EXT2: variants seen among roughly 807,000 people sequenced by gnomAD.
EXT2 encodes exostosin-2.
EXT2 carries 53 observed loss-of-function variants against 81.6 expected under a neutral mutation model. The ratio of observed to expected loss-of-function variants is 0.65; its 90% CI spans 0.52 to 0.82. The LOEUF (loss-of-function observed/expected upper bound fraction) is 0.82, where lower values mean the gene tolerates loss of function less well. Among genes scored for constraint, EXT2 ranks in the 40% least tolerant of loss-of-function variants. The probability of loss-of-function intolerance (pLI) is 0.00; values close to 1 mark genes in which losing one functional copy is unlikely to be tolerated. For synonymous variants in EXT2, 320 were observed against 340.0 expected (o/e 0.94, Z 0.65); for missense variants, 774 against 910.2 (o/e 0.85, Z 1.93).
intron 1 of EXT2, 52 bp downstream of exon 1, chr11:44,095,904 C>A (rs1040262929): frequency 1.2e-5 from 3 of 259,384 alleles, no homozygotes; most frequent in Non-Finnish European, 2.2e-5. Flanking sequence ...AGCGAGGGCT[C>A]GGGCCTCCGG....
Position 44,175,449 on chromosome 11 carries a change from A to G in EXT2, c.1305+3707A>G, listed in dbSNP as rs77430291. Among the ~76,000 whole-genome samples, 576 of 150,982 alleles carry G rather than the reference A, an allele frequency of 3.8e-3. 5 individuals are homozygous for G. The highest frequency in any genetic ancestry group is 0.013 in the African/African-American group (553 of 41,014). On this transcript the variant is annotated intron_variant, in intron 8 of 13. Coordinates refer to ENST00000533608, the MANE Select transcript of EXT2 (RefSeq NM_207122.2). The stretch of plus-strand genomic sequence containing the variant: ...TCTAGATTTCTGGCAGCACAACTCA[A>G]TCCTTCCTCTGTGTGCCCCTGCTTT...
intron 7 of EXT2, among the ~76,000 whole-genome samples, chr11:44,139,602 C>G (rs1314861897): frequency 6.6e-6 from 1 of 152,140 alleles, no homozygotes; most frequent in Non-Finnish European, 1.5e-5. Context: ...GCCTCCCTTC[C>G]CCCATTTCTT....
intron 3 of EXT2, among the ~76,000 whole-genome samples, chr11:44,112,800 G>A (rs761555474): frequency 2.0e-5 from 3 of 152,180 alleles, no homozygotes; most frequent in Non-Finnish European, 4.4e-5. Flanking sequence ...TAACAGTAAA[G>A]GTTGATGTGA....
At chr11:44,225,530 A>G (rs1165779886) in intron 10 of EXT2, among the ~76,000 whole-genome samples, 1 of 152,170 alleles carries the variant, frequency 6.6e-6, no homozygotes, top group Non-Finnish European at 1.5e-5. Flanking sequence ...CTGGTCATTC[A>G]GCAGGCACCT....
Position 44,251,881 on chromosome 11 carries a change from C to T in EXT2, c.*7594C>T, listed in dbSNP as rs983982404. 6.6e-6 allele frequency among the ~76,000 whole-genome samples: 1 copy of T among 152,136 alleles called. No individual in the cohort carries two copies. The highest frequency in any genetic ancestry group is 1.5e-5 in the Non-Finnish European group (1 of 68,032). ...AAACAATGTACCTACTTTCGTCAAG[C>T]TTACATTCTAATGAGGAAGATAACC... On this transcript the variant is annotated 3_prime_UTR_variant, in exon 14 of 14. Transcript: ENST00000533608.
At chr11:44,210,682 G>T (rs1343759305) in intron 10 of EXT2, among the ~76,000 whole-genome samples, 1 of 152,042 alleles carries the variant, frequency 6.6e-6, no homozygotes, top group Non-Finnish European at 1.5e-5. Flanking sequence ...TTTCCAAAAA[G>T]CCACAAGGAC....
intron 8 of EXT2, among the ~76,000 whole-genome samples, chr11:44,190,681 G>A (rs1047244159): frequency 6.6e-6 from 1 of 152,198 alleles, no homozygotes; most frequent in South Asian, 2.1e-4. Context: ...GTTTGGTTTA[G>A]GCTGAAAGAG....
rs79113897 is a variant in EXT2 at position 44,200,866 on chromosome 11, A to C, written c.1495+2848A>C. The stretch of plus-strand genomic sequence containing the variant: ...TAGTACCTTTGCCAAGTTGGAGAAA[A>C]ATGTCTTTGCTCACATTTCTCTTGG... On this transcript the variant is annotated intron_variant, in intron 9 of 13. Transcript: ENST00000533608. 6.1e-3 allele frequency among the ~76,000 whole-genome samples: 924 copies of C among 152,276 alleles called. 8 individuals are homozygous for C. The highest frequency in any genetic ancestry group is 0.021 in the African/African-American group (884 of 41,552).
chr11:44,201,580 T>C (rs1005089953), intron 9 of EXT2, among the ~76,000 whole-genome samples: 3 of 152,220 alleles, frequency 2.0e-5, no homozygotes, highest in Non-Finnish European at 2.9e-5. Flanking sequence ...CCTCTGTGTC[T>C]ATTTAGATTA....
intron 13 of EXT2, among the ~76,000 whole-genome samples, chr11:44,243,704 G>T (rs546696506): frequency 7.2e-6 from 1 of 138,456 alleles, no homozygotes; most frequent in South Asian, 2.4e-4. Flanking sequence ...GTAAACTGAA[G>T]CTCAGATCCA....
At chr11:44,217,979 G>T (rs1955739208) in intron 10 of EXT2, among the ~76,000 whole-genome samples, 1 of 152,192 alleles carries the variant, frequency 6.6e-6, no homozygotes, top group Non-Finnish European at 1.5e-5. Flanking sequence ...GTCAGTGAAT[G>T]AATTCCTATT....
chr11:44,165,352 G>C (rs7926857), intron 7 of EXT2, among the ~76,000 whole-genome samples: 1 of 152,124 alleles, frequency 6.6e-6, no homozygotes, highest in Non-Finnish European at 1.5e-5. Flanking sequence ...GCCCTGGAGG[G>C]GCTATAAATT....
intron 7 of EXT2, among the ~76,000 whole-genome samples, chr11:44,161,523 T>C (rs912903346): frequency 2.6e-5 from 4 of 152,030 alleles, no homozygotes; most frequent in Non-Finnish European, 5.9e-5. Context: ...AAAAAAGTAA[T>C]ATTCAGTGAA....
chr11:44,128,852 A>C (rs1270694492), intron 6 of EXT2, among the ~76,000 whole-genome samples: 5 of 152,172 alleles, frequency 3.3e-5, no homozygotes. Context: ...TACTTACTTA[A>C]CAAATGTTTA....
At chr11:44,235,225 CTT>C (rs35214626) in intron 12 of EXT2, among the ~76,000 whole-genome samples, 3 of 50,772 alleles carry the variant, frequency 5.9e-5, no homozygotes, top group East Asian at 1.3e-3. Flanking sequence ...CCCAAATTTG[CTT>C]TTTTTTTTTT....
intron 7 of EXT2, among the ~76,000 whole-genome samples, chr11:44,141,151 A>G (rs1337397779): frequency 6.6e-6 from 1 of 152,242 alleles, no homozygotes; most frequent in African/African-American, 2.4e-5. Context: ...TAGTATTTGC[A>G]TATGACCTAT....
At chr11:44,179,420 T>G (rs1337503177) in intron 8 of EXT2, among the ~76,000 whole-genome samples, 5 of 152,236 alleles carry the variant, frequency 3.3e-5, no homozygotes, top group African/African-American at 1.2e-4. Flanking sequence ...AATCAAAACC[T>G]GACTGCTTCC....
intron 8 of EXT2, among the ~76,000 whole-genome samples, chr11:44,192,946 G>A (rs1955411414): frequency 6.6e-6 from 1 of 152,124 alleles, no homozygotes; most frequent in Non-Finnish European, 1.5e-5. Flanking sequence ...TATACATAAG[G>A]GGGACTGATA....
chr11:44,159,543 C>T (rs1954902212), intron 7 of EXT2, among the ~76,000 whole-genome samples: 1 of 152,100 alleles, frequency 6.6e-6, no homozygotes, highest in Non-Finnish European at 1.5e-5. Context: ...TCTGTTCTTG[C>T]ATGTTGTCTG....
Sources: allele counts gnomAD v4.1 joint callset (sites outside exome capture counted in the v4.1 genomes callset), GRCh38; gene constraint gnomAD v4.1.1; transcripts MANE v1.5; gene names NCBI Gene and HGNC (gene_info 2026-07-23, HGNC 2026-07-21).